TMEM132D: variants seen among roughly 807,000 people sequenced by gnomAD.
The protein encoded by TMEM132D is transmembrane protein 132D, also known as mature OL transmembrane protein.
Under a neutral mutation model 62.3 loss-of-function variants are expected in TMEM132D, and 21 were observed. That is an observed-to-expected ratio of 0.34 (90% CI 0.24 to 0.49). TMEM132D has a LOEUF of 0.49. Ranked by LOEUF, TMEM132D falls within the 20% of genes least tolerant of loss-of-function variation. The pLI is 0.99. For synonymous variants in TMEM132D, 621 were observed against 575.6 expected (o/e 1.08, Z -1.13); for missense variants, 1,346 against 1,402.8 (o/e 0.96, Z 0.65).
chr12:129,292,138 C>T (rs1881464696), intron 4 of TMEM132D, among the ~76,000 whole-genome samples: 1 of 152,174 alleles, frequency 6.6e-6, no homozygotes, highest in Non-Finnish European at 1.5e-5. Flanking sequence ...ACATTCACAT[C>T]TATTGGCCCT....
intron 5 of TMEM132D, among the ~76,000 whole-genome samples, chr12:129,149,872 C>T (rs2135534955): frequency 2.0e-5 from 3 of 152,316 alleles, no homozygotes; most frequent in Middle Eastern, 6.8e-3. Context: ...GTGTCCTGAA[C>T]ACTCCTCCTG....
At chr12:129,228,297 C>G (rs1291552644) in intron 4 of TMEM132D, among the ~76,000 whole-genome samples, 1 of 152,152 alleles carries the variant, frequency 6.6e-6, no homozygotes, top group African/African-American at 2.4e-5. Context: ...GCTCCTTGCT[C>G]AAGACCTAGA....
intron 2 of TMEM132D, among the ~76,000 whole-genome samples, chr12:129,609,707 G>A (rs1878719402): frequency 6.6e-6 from 1 of 152,052 alleles, no homozygotes; most frequent in Non-Finnish European, 1.5e-5. Context: ...CCACGAAGAG[G>A]TCGGGCCCCT....
intron 3 of TMEM132D, among the ~76,000 whole-genome samples, chr12:129,498,369 T>C (rs1280715976): frequency 2.6e-5 from 4 of 152,152 alleles, no homozygotes; most frequent in Non-Finnish European, 5.9e-5. Flanking sequence ...TTTTCCTGCC[T>C]CAGCCTCCTG....
At chr12:129,163,510 AGAG>A (rs1289093815) in intron 5 of TMEM132D, among the ~76,000 whole-genome samples, 1 of 152,160 alleles carries the variant, frequency 6.6e-6, no homozygotes, top group African/African-American at 2.4e-5. Context: ...TGACAGGATC[AGAG>A]GAGGACAGAA....
intron 5 of TMEM132D, among the ~76,000 whole-genome samples, chr12:129,188,895 G>A (rs1878303417): frequency 1.3e-5 from 2 of 152,168 alleles, no homozygotes; most frequent in Admixed American, 6.5e-5. Context: ...GATTAAGGCT[G>A]TAGCAGAGAG....
At chr12:129,481,324 G>A (rs926409859) in intron 3 of TMEM132D, among the ~76,000 whole-genome samples, 10 of 151,794 alleles carry the variant, frequency 6.6e-5, no homozygotes, top group Non-Finnish European at 7.4e-5. Context: ...TTAGCCGGGC[G>A]TGGTAAAGCA....
chr12:129,222,142 C>T (rs556806769), intron 4 of TMEM132D, among the ~76,000 whole-genome samples: 6 of 152,094 alleles, frequency 3.9e-5, no homozygotes, highest in African/African-American at 1.4e-4. Context: ...AATAATTCTT[C>T]TACCTTTGGG....
intron 3 of TMEM132D, among the ~76,000 whole-genome samples, chr12:129,423,028 C>T (rs555852496): frequency 6.6e-6 from 1 of 151,730 alleles, no homozygotes; most frequent in Admixed American, 6.6e-5. Flanking sequence ...TTCACTGCCT[C>T]ATCAGAGAAA....
chr12:129,689,391 G>A (rs1371158427), intron 2 of TMEM132D, among the ~76,000 whole-genome samples: 1 of 152,184 alleles, frequency 6.6e-6, no homozygotes, highest in African/African-American at 2.4e-5. Flanking sequence ...TATTATACAA[G>A]TTCTCAGAAG....
chr12:129,123,342 TC>T (rs760841320), intron 5 of TMEM132D, among the ~76,000 whole-genome samples: 3 of 152,208 alleles, frequency 2.0e-5, no homozygotes, highest in Non-Finnish European at 2.9e-5. Flanking sequence ...GATTTTTTTT[TC>T]AACCTAAATA....
intron 1 of TMEM132D, among the ~76,000 whole-genome samples, chr12:129,801,434 A>C (rs1593167363): frequency 6.6e-6 from 1 of 151,506 alleles, no homozygotes; most frequent in Admixed American, 6.6e-5. Context: ...GCACACTGAC[A>C]CCTCACACGG....
At chr12:129,244,663 C>T (rs1290990620) in intron 4 of TMEM132D, among the ~76,000 whole-genome samples, 4 of 151,716 alleles carry the variant, frequency 2.6e-5, no homozygotes, top group African/African-American at 9.7e-5. Context: ...GTTTTTGAGA[C>T]AGAGTCTTGC....
chr12:129,576,133 G>C (rs1194999434), intron 2 of TMEM132D, among the ~76,000 whole-genome samples: 1 of 151,764 alleles, frequency 6.6e-6, no homozygotes, highest in Non-Finnish European at 1.5e-5. Context: ...GCCAATTTCG[G>C]CCCATGCGTC....
intron 5 of TMEM132D, among the ~76,000 whole-genome samples, chr12:129,169,865 C>A (rs186919525): frequency 1.7e-4 from 26 of 152,322 alleles, no homozygotes; most frequent in African/African-American, 6.3e-4. Context: ...TATTCTTTTA[C>A]AAAAACACCC....
chr12:129,489,329 C>G (rs989394578), intron 3 of TMEM132D, among the ~76,000 whole-genome samples: 2 of 152,152 alleles, frequency 1.3e-5, no homozygotes, highest in Admixed American at 6.5e-5. Context: ...TTTCTGGTCT[C>G]AAAGAATCTA....
At chr12:129,457,958 G>A (rs1286001385) in intron 3 of TMEM132D, among the ~76,000 whole-genome samples, 1 of 152,144 alleles carries the variant, frequency 6.6e-6, no homozygotes. Context: ...CTTCCTCCCT[G>A]GTGCATTGCC....
intron 1 of TMEM132D, among the ~76,000 whole-genome samples, chr12:129,861,108 T>C (rs1593190220): frequency 6.6e-6 from 1 of 152,238 alleles, no homozygotes; most frequent in Admixed American, 6.5e-5. Context: ...ATCTTTTTTA[T>C]AGAATTATAC....
chr12:129,430,574 T>G (rs1000374784), intron 3 of TMEM132D, among the ~76,000 whole-genome samples: 2 of 152,074 alleles, frequency 1.3e-5, no homozygotes, highest in African/African-American at 4.8e-5. Flanking sequence ...AAGAGCTAGA[T>G]TACAGGATTG....
Sources: allele counts gnomAD v4.1 joint callset (sites outside exome capture counted in the v4.1 genomes callset), GRCh38; gene constraint gnomAD v4.1.1; transcripts MANE v1.5; gene names NCBI Gene and HGNC (gene_info 2026-07-23, HGNC 2026-07-21).